Variants in ASB2 observed in about 807,000 individuals in gnomAD.
ASB2 encodes the protein ankyrin repeat and SOCS box protein 2.
ASB2 carries 58 observed loss-of-function variants against 62.4 expected under a neutral mutation model. The ratio of observed to expected loss-of-function variants is 0.93; its 90% CI spans 0.75 to 1.16. The LOEUF is 1.16. ASB2 is among the 50% of genes most tolerant of loss of function. The pLI is 0.00. For synonymous variants in ASB2, 386 were observed against 385.3 expected (o/e 1.00, Z -0.02); for missense variants, 928 against 887.9 (o/e 1.05, Z -0.57).
chr14:93,972,795 C>T (rs188592957), intron 1 of ASB2, among the ~76,000 whole-genome samples: 58 of 152,356 alleles, frequency 3.8e-4, no homozygotes, highest in Non-Finnish European at 6.6e-4. Flanking sequence ...GGGCCTTTGG[C>T]CATGGGGGCA....
At position 93,941,597 on chromosome 14, in the gene ASB2, T is replaced by G. The variant is rs746874400; in HGVS notation, c.1053-1925A>C. Reference sequence around the variant, plus strand: ...GCCTGACTTTGCTCTGCAGAGGTGCTGGTCAAAGGCAGGCCTGGGCCTCAC... The same window carrying G: ...GCCTGACTTTGCTCTGCAGAGGTGCGGGTCAAAGGCAGGCCTGGGCCTCAC... On this transcript the variant is annotated intron_variant, in intron 7 of 9. Coordinates refer to ENST00000555019, the MANE Select transcript of ASB2 (RefSeq NM_001202429.2). 6.6e-6 allele frequency: 3 copies of G among 455,658 alleles called. No individual in the cohort carries two copies. In the Admixed American group the frequency reaches 7.1e-5, roughly 11 times the overall value. 28.2% of individuals were successfully genotyped at this position (455,658 alleles called of 1,614,324 possible). A position where few individuals can be genotyped will look rare whatever the true frequency, so the allele number is the denominator to read the frequency against.
chr14:93,945,384 C>G (rs996264458), intron 7 of ASB2, among the ~76,000 whole-genome samples: 1 of 152,178 alleles, frequency 6.6e-6, no homozygotes, highest in African/African-American at 2.4e-5. Context: ...CTGAACCGCT[C>G]AATCATGGAA....
rs1457175558 is a variant in ASB2 at position 93,939,450 on chromosome 14, G to A, written c.1275C>T (p.Tyr425=). 4 of 1,612,486 alleles carry A rather than the reference G, an allele frequency of 2.5e-6. No homozygotes were observed. The highest frequency in any genetic ancestry group is 1.7e-4 in the Middle Eastern group (1 of 6,058). The change falls in exon 8 of 10, where the codon TAC becomes TAT. Residue 425 remains tyrosine, a synonymous_variant. Coordinates refer to ENST00000555019, the MANE Select transcript of ASB2 (RefSeq NM_001202429.2). ...CGTGTTGCAGCAGCAGCTCGGTGGCGTACACGTTGTTGTTGACCACCGCGA... is the reference window on the plus strand; with the variant it reads ...CGTGTTGCAGCAGCAGCTCGGTGGCATACACGTTGTTGTTGACCACCGCGA... ...LYFAVVNNNV[Y]ATELLLQHGA... is the part of the protein sequence containing the mutation.
intron 1 of ASB2, among the ~76,000 whole-genome samples, chr14:93,969,104 T>A (rs1244545800): frequency 6.6e-6 from 1 of 152,150 alleles, no homozygotes; most frequent in Non-Finnish European, 1.5e-5. Context: ...GCCAGTGTTA[T>A]TATGGGGTTG....
chr14:93,956,965 C>G, intron 2 of ASB2, 95 bp from the exon 3 acceptor site: 1 of 1,580,280 alleles, frequency 6.3e-7, no homozygotes. Context: ...GGAGGGAGAG[C>G]CAGGGAGAGA....
Position 93,939,503 on chromosome 14 carries a change from C to T in ASB2, c.1222G>A (p.Glu408Lys). Reference sequence around the variant, plus strand: ...TACAGCGCGGAGCTGCGCCGGTCTTCGTAGAGGCGCGCGCGCTCGGGGGCC... The same window carrying T: ...TACAGCGCGGAGCTGCGCCGGTCTTTGTAGAGGCGCGCGCGCTCGGGGGCC... Reference protein sequence around the residue: ...PLAPERARLYEDRRSSALYFA... With the variant: ...PLAPERARLYKDRRSSALYFA... The change falls in exon 8 of 10, where the codon GAA becomes AAA. Residue 408 changes from glutamate to lysine, a missense_variant. Physicochemically the swap from Glu to Lys is moderately conservative, Grantham distance 56 (BLOSUM62 1). Transcript: ENST00000555019. The T allele has an allele frequency of 6.2e-7, 1 of 1,608,718 alleles. No individual in the cohort carries two copies. Among genetic ancestry groups the T allele is most frequent in the East Asian group, 2.2e-5 (1 of 44,672 alleles).
At chr14:93,939,755 G>C (rs868843183) in intron 7 of ASB2, 83 bp from the exon 8 acceptor site, 7 of 1,127,376 alleles carry the variant, frequency 6.2e-6, no homozygotes, top group African/African-American at 1.6e-5. Context: ...AGGAGAGCTC[G>C]GGCGCCAGGC....
At chr14:93,972,947 C>T (rs1261307108) in intron 1 of ASB2, among the ~76,000 whole-genome samples, 1 of 152,162 alleles carries the variant, frequency 6.6e-6, no homozygotes, top group Admixed American at 6.5e-5. Flanking sequence ...CCCCAGCCAC[C>T]ACCACCACCG....
At chr14:93,943,588 G>A (rs1045447196) in intron 7 of ASB2, among the ~76,000 whole-genome samples, 1 of 152,224 alleles carries the variant, frequency 6.6e-6, no homozygotes, top group East Asian at 1.9e-4. Context: ...AGGTTGCAGC[G>A]AGCCAAGATT....
intron 1 of ASB2, among the ~76,000 whole-genome samples, chr14:93,971,062 G>A (rs1257371917): frequency 2.0e-5 from 3 of 152,294 alleles, no homozygotes; most frequent in East Asian, 1.9e-4. Context: ...CCCAGCTGGC[G>A]GTTCTCTAGG....
At chr14:93,947,977 A>T (rs557883305) in intron 6 of ASB2, among the ~76,000 whole-genome samples, 2 of 129,342 alleles carry the variant, frequency 1.5e-5, no homozygotes, top group African/African-American at 5.8e-5. Context: ...CTGGGCAACA[A>T]GAGTGAAACT....
chr14:93,936,949 G>A (rs529244725), intron 9 of ASB2, among the ~76,000 whole-genome samples: 1 of 152,230 alleles, frequency 6.6e-6, no homozygotes. Flanking sequence ...AGGGATTCTG[G>A]CTTCCTCAGC....
intron 7 of ASB2, among the ~76,000 whole-genome samples, chr14:93,946,312 G>A (rs575321737): frequency 1.4e-4 from 21 of 152,344 alleles, no homozygotes; most frequent in Admixed American, 4.6e-4. Context: ...AGGCAGATGA[G>A]TCACACTCTG....
At chr14:93,969,485 C>T (rs566862594) in intron 1 of ASB2, among the ~76,000 whole-genome samples, 37 of 152,310 alleles carry the variant, frequency 2.4e-4, no homozygotes, top group Non-Finnish European at 4.6e-4. Context: ...ATGCCTTGCC[C>T]CTCTTTGGAC....
In ASB2 at chr14:93,947,791, C is replaced by T. The variant is rs567927184; in HGVS notation, c.881-271G>A. 5.3e-4 allele frequency among the ~76,000 whole-genome samples: 81 copies of T among 151,944 alleles called. 3 individuals carry two copies. In the Middle Eastern group the frequency reaches 0.014, roughly 26 times the overall value. On this transcript the variant is annotated intron_variant, in intron 6 of 9. Transcript: ENST00000555019. ...GGCGGATCACCTGAGGTCAGGAGTT[C>T]GAGACCAGCCCGGCCAACATGGTGA...
rs1408991429 is a variant in ASB2, at chr14:93,976,418, T to C, written c.-74+16A>G. 2.0e-5 allele frequency: 3 copies of C among 152,176 alleles called. No homozygotes were observed. Among genetic ancestry groups the C allele is most frequent in the Non-Finnish European group, 4.4e-5 (3 of 68,026 alleles). 9.4% of individuals were successfully genotyped at this position (152,176 alleles called of 1,614,324 possible). On this transcript the variant is annotated intron_variant, in intron 1 of 9. Coordinates refer to ENST00000555019, the MANE Select transcript of ASB2 (RefSeq NM_001202429.2). The stretch of plus-strand genomic sequence containing the variant: ...TTTTGCAAGATCTGTATAAGAAAGT[T>C]GAAAGCATGCATTACCTGTTAGGCT...
At chr14:93,969,421 A>T (rs1275500002) in intron 1 of ASB2, among the ~76,000 whole-genome samples, 2 of 152,206 alleles carry the variant, frequency 1.3e-5, no homozygotes. Flanking sequence ...CTCCATCTGT[A>T]AAATGGACAA....
chr14:93,943,085 T>A (rs934561887), intron 7 of ASB2, among the ~76,000 whole-genome samples: 1 of 152,234 alleles, frequency 6.6e-6, no homozygotes, highest in Admixed American at 6.5e-5. Context: ...CATTTACTCA[T>A]AACAATCCGG....
intron 7 of ASB2, 189 bp from the exon 8 acceptor site, chr14:93,939,861 G>T: frequency 2.1e-6 from 1 of 472,246 alleles, no homozygotes; most frequent in Non-Finnish European, 3.7e-6. Flanking sequence ...AGGGTGGGTC[G>T]GCTGCCGTCT....
Sources: gnomAD v4.1 joint callset for allele counts (sites outside exome capture counted in the v4.1 genomes callset) on GRCh38, gnomAD v4.1.1 for gene constraint, MANE v1.5 for transcripts, NCBI Gene and HGNC (gene_info 2026-07-23, HGNC 2026-07-21) for gene names.